The following KLF13 variants were observed in gnomAD, a reference collection of about 807,000 sequenced individuals.
KLF13 encodes the protein Krueppel-like factor 13.
A neutral mutation model predicts 16.7 loss-of-function variants in KLF13; 8 were observed. The observed-to-expected ratio is 0.48, with a 90% CI of 0.28 to 0.87. The LOEUF (loss-of-function observed/expected upper bound fraction) is 0.87, where lower values mean the gene tolerates loss of function less well. Ranked by LOEUF, KLF13 falls within the 40% of genes least tolerant of loss-of-function variation. The pLI is 0.10. For synonymous variants in KLF13, 245 were observed against 208.4 expected, an observed-to-expected ratio of 1.18 and a Z score of -1.51; for missense variants, 447 against 452.2, an observed-to-expected ratio of 0.99 and a Z score of 0.10.
intron 2 of KLF13, among the ~76,000 whole-genome samples, chr15:31,398,413 G>C (rs2039985797): frequency 6.6e-6 from 1 of 152,218 alleles, no homozygotes; most frequent in Admixed American, 6.5e-5. Context: ...CGTGTGTAGT[G>C]GCTGGGAGCA....
chr15:31,414,804 A>G (rs1010203906), intron 1 of KLF13, among the ~76,000 whole-genome samples: 4 of 152,208 alleles, frequency 2.6e-5, no homozygotes, highest in Non-Finnish European at 4.4e-5. Flanking sequence ...AGATCAATAA[A>G]GAAGTAGAAG....
Position 31,329,346 on chromosome 15 carries a change from G to A in KLF13, c.577+1557G>A, listed in dbSNP as rs1162732161. Among the ~76,000 whole-genome samples the A allele has an allele frequency of 2.0e-5, 3 of 152,072 alleles. No individual in the cohort carries two copies. In the East Asian group the frequency reaches 5.8e-4, roughly 29 times the overall value. The stretch of plus-strand genomic sequence containing the variant: ...AGTATCGGGTGGGGGCAGCGATTGG[G>A]GCGTGGCTGGGGTTGAGATCCGCTT... On this transcript the variant is annotated intron_variant, in intron 1 of 1. Transcript: ENST00000307145.
In KLF13 at chr15:31,327,447, GC is replaced by G; in HGVS notation, c.239del (p.Pro80ArgfsTer109). ...CCTCAACCAGCAAGCGCCGGCGCCC[GC>G]CCCGGCGGAGCGCAGGGAGGGCGCC... ...ADLNQQAPAP[A>X]PAERREGAAA... On this transcript the variant is annotated frameshift_variant, in exon 1 of 2. Transcript: ENST00000307145. LOFTEE classifies it high-confidence loss of function. 2 of 1,214,862 alleles carry G rather than the reference GC, an allele frequency of 1.6e-6. No individual in the cohort carries two copies. Among genetic ancestry groups the G allele is most frequent in the Non-Finnish European group, 2.0e-6 (2 of 977,172 alleles). The allele number at this position is 1,214,862 out of a possible 1,614,324, so 75.3% of individuals were successfully genotyped here. A position where few individuals can be genotyped will look rare whatever the true frequency, so the allele number is the denominator to read the frequency against.
intron 1 of KLF13, among the ~76,000 whole-genome samples, chr15:31,409,744 A>G (rs1252949103): frequency 1.3e-5 from 2 of 152,220 alleles, no homozygotes; most frequent in Non-Finnish European, 2.9e-5. Context: ...TAAACTACAG[A>G]AAGACAAAAC....
In KLF13 at chr15:31,327,795, T is replaced by A. The variant is rs776298671; in HGVS notation, c.577+6T>A. On this transcript the variant is annotated splice_donor_region_variant and intron_variant, in intron 1 of 1. Coordinates refer to ENST00000307145, the MANE Select transcript of KLF13 (RefSeq NM_015995.4). ...GCACCTGAGAACTCACACAGGTCAG[T>A]GGGGCGGCGCGGGCGCCCGGATCGC... 7.4e-6 allele frequency: 11 copies of A among 1,478,646 alleles called. No individual in the cohort carries two copies. Among genetic ancestry groups the A allele is most frequent in the Non-Finnish European group, 1.0e-5 (11 of 1,104,970 alleles). The allele number at this position is 1,478,646 out of a possible 1,614,324, so 91.6% of individuals were successfully genotyped here. A position where few individuals can be genotyped will look rare whatever the true frequency, so the allele number is the denominator to read the frequency against.
chr15:31,435,083 G>A (rs972879266), intron 1 of KLF13, among the ~76,000 whole-genome samples: 1 of 152,310 alleles, frequency 6.6e-6, no homozygotes, highest in East Asian at 1.9e-4. Flanking sequence ...TATATCTTAT[G>A]CACGCTAAGG....
At chr15:31,402,356 G>T (rs777231430) in intron 2 of KLF13, among the ~76,000 whole-genome samples, 2 of 152,224 alleles carry the variant, frequency 1.3e-5, no homozygotes, top group African/African-American at 4.8e-5. Flanking sequence ...GGCACCTCTA[G>T]GGGTGGGAGA....
intron 2 of KLF13, among the ~76,000 whole-genome samples, chr15:31,397,559 G>T (rs1343574084): frequency 6.6e-6 from 1 of 152,206 alleles, no homozygotes; most frequent in Non-Finnish European, 1.5e-5. Flanking sequence ...TTTCCCCTTT[G>T]GGGTCAGGGC....
chr15:31,327,926 C>A, intron 1 of KLF13, 137 bp downstream of exon 1: 1 of 1,028,000 alleles, frequency 9.7e-7, no homozygotes. Context: ...GCCCCTTCCC[C>A]TGCCGCTCCG....
chr15:31,357,967 G>A (rs2039326111), intron 1 of KLF13, among the ~76,000 whole-genome samples: 1 of 152,114 alleles, frequency 6.6e-6, no homozygotes, highest in African/African-American at 2.4e-5. Context: ...TTTCATTGTA[G>A]TGGGATCTGG....
chr15:31,372,644 G>A lies in KLF13; in HGVS notation c.*345G>A. ...CACTCTGGAGTTTTCTGTTAGGTTCGGGAACACGCTGGGGACAGAGCAGGC... is the reference window on the plus strand; with the variant it reads ...CACTCTGGAGTTTTCTGTTAGGTTCAGGAACACGCTGGGGACAGAGCAGGC... On this transcript the variant is annotated 3_prime_UTR_variant, in exon 2 of 2. Coordinates refer to ENST00000307145, the MANE Select transcript of KLF13 (RefSeq NM_015995.4). The A allele has an allele frequency of 4.0e-6, 1 of 250,798 alleles. No individual in the cohort carries two copies. Among genetic ancestry groups the A allele is most frequent in the Non-Finnish European group, 7.6e-6 (1 of 132,088 alleles). The allele number at this position is 250,798 out of a possible 1,614,324, so 15.5% of individuals were successfully genotyped here.
chr15:31,413,203 C>CA lies in KLF13; in HGVS notation n.117+19518dup, dbSNP rs1341640127. On this transcript the variant is annotated intron_variant and non_coding_transcript_variant, in intron 1 of 1. Transcript: ENST00000558225. ...ATGAATAGACAAAAAAAAAAAAAAA[C>CA]AAAAAACAAAAAAACCAGCCTCAGA... 2.0e-3 allele frequency among the ~76,000 whole-genome samples: 267 copies of CA among 130,250 alleles called. 7 individuals carry two copies. Among genetic ancestry groups the CA allele is most frequent in the East Asian group, 0.015 (69 of 4,540 alleles). The allele number at this position is 130,250 out of a possible 152,430, so 85.4% of individuals were successfully genotyped here.
At chr15:31,383,056 A>T (rs996608790) in intron 1 of KLF13, among the ~76,000 whole-genome samples, 3 of 152,214 alleles carry the variant, frequency 2.0e-5, no homozygotes, top group Non-Finnish European at 2.9e-5. Flanking sequence ...AGTAAATATC[A>T]AGATGGCCTG....
intron 1 of KLF13, among the ~76,000 whole-genome samples, chr15:31,357,276 GTCT>G (rs140743642): frequency 0.023 from 3,515 of 152,316 alleles, 131 homozygotes; most frequent in African/African-American, 0.081. Context: ...AGCTCTGGAA[GTCT>G]TCTCGTTGCG....
Position 31,374,152 on chromosome 15 carries a change from G to A in KLF13, c.*1853G>A, listed in dbSNP as rs1413943462. ...GTTTTGGCTGGCTCCAGAGTGGACA[G>A]GTACGCTCTGTCCACAGCAGCTGCT... is the stretch of plus-strand genomic sequence containing the variant. On this transcript the variant is annotated 3_prime_UTR_variant, in exon 2 of 2. Transcript: ENST00000307145. 1 of 152,662 alleles carries A rather than the reference G, an allele frequency of 6.6e-6. No individual in the cohort carries two copies. Among genetic ancestry groups the A allele is most frequent in the Non-Finnish European group, 1.5e-5 (1 of 68,124 alleles). The allele number at this position is 152,662 out of a possible 1,614,324, so 9.5% of individuals were successfully genotyped here.
chr15:31,420,552 C>A, intron 1 of KLF13: 1 of 517,722 alleles, frequency 1.9e-6, no homozygotes. Context: ...CTAGGAGAAC[C>A]CAACATTGAT....
At chr15:31,391,280 G>A (rs1299219778), upstream of KLF13, among the ~76,000 whole-genome samples, 17 of 134,450 alleles carry the variant, frequency 1.3e-4, no homozygotes, top group Non-Finnish European at 2.4e-4. Context: ...GGGGGCTGAA[G>A]GGGGCTGGGT....
chr15:31,434,229 G>A (rs10083664), intron 1 of KLF13, among the ~76,000 whole-genome samples: 90,015 of 152,008 alleles, frequency 0.59, 27,147 homozygotes, highest in South Asian at 0.71. Context: ...AGAGAGGTAA[G>A]TGACTTGCTC....
chr15:31,418,549 C>T (rs2141006479), intron 1 of KLF13, among the ~76,000 whole-genome samples: 1 of 152,254 alleles, frequency 6.6e-6, no homozygotes, highest in East Asian at 1.9e-4. Context: ...AGGACTATCA[C>T]TATCAATCCC....
Sources: gnomAD v4.1 joint callset for allele counts (sites outside exome capture counted in the v4.1 genomes callset) on GRCh38, gnomAD v4.1.1 for gene constraint, MANE v1.5 for transcripts, NCBI Gene and HGNC (gene_info 2026-07-23, HGNC 2026-07-21) for gene names.